The following NCAM1 variants were observed in gnomAD, a reference collection of about 807,000 sequenced individuals.
NCAM1 encodes antigen recognized by monoclonal antibody 5.1H11.
A neutral mutation model predicts 109.8 loss-of-function variants in NCAM1; 14 were observed. The ratio of observed to expected loss-of-function variants is 0.13; its 90% CI spans 0.08 to 0.20. NCAM1 has a LOEUF of 0.20. NCAM1 is among the 10% of genes least tolerant of loss of function. NCAM1 has a pLI of 1.00. For missense variants in NCAM1, 774 were observed against 1,109.9 expected (o/e 0.70, Z 4.30); for synonymous variants, 418 against 442.9 (o/e 0.94, Z 0.70).
rs200442266 is a variant in NCAM1 at position 113,270,484 on chromosome 11, G to T, written c.2339+89G>T. The T allele has an allele frequency of 2.6e-5, 33 of 1,261,046 alleles. No homozygotes were observed. The East Asian group carries it at 7.2e-4, about 28-fold the overall frequency. The allele number at this position is 1,261,046 out of a possible 1,614,324, so 78.1% of individuals were successfully genotyped here. On this transcript the variant is annotated intron_variant, in intron 18 of 19. Transcript: ENST00000316851. The stretch of plus-strand genomic sequence containing the variant: ...CTGCACCACCCTGCGCCATCAGCTG[G>T]TGCCTTTCCTTTCATTGCACGTTCT...
chr11:113,259,816 GC>G (rs1173311539), intron 16 of NCAM1, among the ~76,000 whole-genome samples: 1 of 144,934 alleles, frequency 6.9e-6, no homozygotes, highest in Non-Finnish European at 1.5e-5. Flanking sequence ...CCATTCTCTT[GC>G]CTCAGCCTCC....
At chr11:113,115,553 A>G (rs1338978811) in intron 1 of NCAM1, among the ~76,000 whole-genome samples, 8 of 152,232 alleles carry the variant, frequency 5.3e-5, no homozygotes, top group African/African-American at 1.9e-4. Context: ...TGTAAGGGAC[A>G]CGGTGACCAG....
intron 1 of NCAM1, among the ~76,000 whole-genome samples, chr11:113,025,928 A>G (rs1952532356): frequency 6.6e-6 from 1 of 152,134 alleles, no homozygotes; most frequent in Admixed American, 6.5e-5. Flanking sequence ...TGTGCCCACC[A>G]CACTATACAT....
intron 1 of NCAM1, among the ~76,000 whole-genome samples, chr11:113,182,550 T>A (rs1943365591): frequency 6.6e-6 from 1 of 152,242 alleles, no homozygotes; most frequent in Middle Eastern, 3.2e-3. Context: ...TTGCTCTTCA[T>A]TGCCACTCTA....
intron 1 of NCAM1, among the ~76,000 whole-genome samples, chr11:113,131,537 C>G (rs2136121950): frequency 6.6e-6 from 1 of 152,314 alleles, no homozygotes; most frequent in Middle Eastern, 3.4e-3. Context: ...AGTGCGCCAC[C>G]CTTGCAAGGG....
At chr11:113,258,004 G>T (rs1205006421) in intron 16 of NCAM1, among the ~76,000 whole-genome samples, 1 of 152,244 alleles carries the variant, frequency 6.6e-6, no homozygotes, top group Non-Finnish European at 1.5e-5. Flanking sequence ...TCTTTGGCTA[G>T]TGCAAACCCT....
chr11:113,212,329 T>A (rs1240213338), intron 7 of NCAM1, among the ~76,000 whole-genome samples: 3 of 152,204 alleles, frequency 2.0e-5, no homozygotes, highest in Admixed American at 6.5e-5. Context: ...TATACAAAAT[T>A]AGCCATAATC....
At chr11:113,006,836 T>C (rs1951904910) in intron 1 of NCAM1, among the ~76,000 whole-genome samples, 1 of 152,184 alleles carries the variant, frequency 6.6e-6, no homozygotes, top group Admixed American at 6.5e-5. Flanking sequence ...GCTGTGGCAA[T>C]TTCTTGCATA....
At chr11:113,050,730 G>T (rs922290207) in intron 1 of NCAM1, among the ~76,000 whole-genome samples, 1 of 152,222 alleles carries the variant, frequency 6.6e-6, no homozygotes, top group Non-Finnish European at 1.5e-5. Flanking sequence ...CCTAGTGCAG[G>T]ATTTTTTAAA....
chr11:113,091,924 T>C (rs146115203), intron 1 of NCAM1, among the ~76,000 whole-genome samples: 80 of 152,332 alleles, frequency 5.3e-4, no homozygotes, highest in African/African-American at 1.8e-3. Context: ...AATACATCAA[T>C]GTCTGCCCTT....
At chr11:113,087,800 C>T (rs1270943672) in intron 1 of NCAM1, among the ~76,000 whole-genome samples, 3 of 152,194 alleles carry the variant, frequency 2.0e-5, no homozygotes, top group African/African-American at 7.2e-5. Context: ...TCAGAGAAAG[C>T]AGATTTACTC....
chr11:113,196,053 T>C (rs1439276684), intron 1 of NCAM1, among the ~76,000 whole-genome samples: 2 of 152,052 alleles, frequency 1.3e-5, no homozygotes, highest in Non-Finnish European at 2.9e-5. Flanking sequence ...TTGAGATGAG[T>C]AGGATCAATA....
chr11:113,145,000 G>A (rs1941963865), intron 1 of NCAM1, among the ~76,000 whole-genome samples: 1 of 152,144 alleles, frequency 6.6e-6, no homozygotes, highest in Non-Finnish European at 1.5e-5. Context: ...ACATTGGATT[G>A]ACCTTACAGC....
intron 7 of NCAM1, among the ~76,000 whole-genome samples, chr11:113,211,399 A>G (rs1203467800): frequency 6.6e-6 from 1 of 152,196 alleles, no homozygotes; most frequent in Non-Finnish European, 1.5e-5. Context: ...TTATGACATC[A>G]TTTGTATCTA....
chr11:113,224,755 C>T (rs1403491560), intron 9 of NCAM1, among the ~76,000 whole-genome samples: 2 of 152,254 alleles, frequency 1.3e-5, no homozygotes, highest in Admixed American at 1.3e-4. Context: ...AACGATCAGA[C>T]AGCAGCATTT....
intron 9 of NCAM1, among the ~76,000 whole-genome samples, chr11:113,226,928 G>A (rs1349145860): frequency 6.6e-6 from 1 of 152,222 alleles, no homozygotes; most frequent in Non-Finnish European, 1.5e-5. Flanking sequence ...GACATTTAAA[G>A]CAGTGTGTAG....
intron 15 of NCAM1, among the ~76,000 whole-genome samples, chr11:113,255,539 A>G (rs1555122124): frequency 6.7e-6 from 1 of 149,508 alleles, no homozygotes; most frequent in African/African-American, 2.5e-5. Context: ...GCTTATAAAA[A>G]TTAAATCTTC....
intron 1 of NCAM1, among the ~76,000 whole-genome samples, chr11:113,191,660 T>C (rs532936592): frequency 1.3e-5 from 2 of 152,148 alleles, no homozygotes; most frequent in African/African-American, 4.8e-5. Context: ...GTTGTGTGGA[T>C]TAAGTGAAGT....
intron 17 of NCAM1, among the ~76,000 whole-genome samples, chr11:113,261,790 T>A (rs78599561): frequency 0.13 from 19,498 of 152,128 alleles, 1,407 homozygotes; most frequent in East Asian, 0.31. Context: ...AGATTCCTTA[T>A]GGCAATTGCT....
Sources: allele counts gnomAD v4.1 joint callset (sites outside exome capture counted in the v4.1 genomes callset), GRCh38; gene constraint gnomAD v4.1.1; transcripts MANE v1.5; gene names NCBI Gene and HGNC (gene_info 2026-07-23, HGNC 2026-07-21).